EYS: variants seen among roughly 807,000 people sequenced by gnomAD.
EYS encodes protein eyes shut homolog.
In EYS, 250 loss-of-function variants were observed where a neutral mutation model predicts 282.1. The ratio of observed to expected loss-of-function variants is 0.89; its 90% confidence interval spans 0.80 to 0.98. The LOEUF (loss-of-function observed/expected upper bound fraction) is 0.98. Among genes scored for constraint, EYS ranks in the 50% least tolerant of loss-of-function variants. EYS has a pLI of 0.00. For missense variants in EYS, 4,016 were observed against 3,709.0 expected (o/e 1.08, Z -2.15); for synonymous variants, 1,355 against 1,282.9 (o/e 1.06, Z -1.20).
At chr6:63,819,289 G>C (rs1479821150) in intron 36 of EYS, among the ~76,000 whole-genome samples, 2 of 152,218 alleles carry the variant, frequency 1.3e-5, no homozygotes, top group African/African-American at 4.8e-5. Flanking sequence ...ATGGAAGCCT[G>C]AAAGGGAGGT....
chr6:63,856,351 T>G (rs933237482), intron 36 of EYS, among the ~76,000 whole-genome samples: 28 of 152,204 alleles, frequency 1.8e-4, no homozygotes, highest in Non-Finnish European at 3.2e-4. Flanking sequence ...TTTAGACCTT[T>G]TTAAAAAGCA....
chr6:65,531,341 C>T (rs556804104), intron 2 of EYS, among the ~76,000 whole-genome samples: 29 of 152,018 alleles, frequency 1.9e-4, no homozygotes, highest in Non-Finnish European at 3.1e-4. Flanking sequence ...ATAAAGAAAA[C>T]GCTTCATAAA....
intron 41 of EYS, among the ~76,000 whole-genome samples, chr6:63,745,807 T>G (rs1212492055): frequency 6.6e-6 from 1 of 152,212 alleles, no homozygotes; most frequent in Non-Finnish European, 1.5e-5. Flanking sequence ...TGACAGTATT[T>G]GGAGATAAGA....
intron 8 of EYS, among the ~76,000 whole-genome samples, chr6:65,368,367 A>G (rs1765001540): frequency 6.6e-6 from 1 of 151,666 alleles, no homozygotes; most frequent in Admixed American, 6.7e-5. Flanking sequence ...ACATAATGGA[A>G]GTTATGTGGT....
rs184400084 is a variant in EYS at position 64,879,958 on chromosome 6, G to T, written c.2992+6739C>A. ...GTGTTGAAAGAAGTTGCTTCTGGAA[G>T]CAGGTCTGCTGTGTTTTATATTATT... On this transcript the variant is annotated intron_variant, in intron 19 of 42. Coordinates refer to ENST00000503581, the MANE Select transcript of EYS (RefSeq NM_001142800.2). Among the ~76,000 whole-genome samples, 31 of 152,132 alleles carry T rather than the reference G, an allele frequency of 2.0e-4. No homozygotes were observed. In the East Asian group the frequency reaches 5.0e-3, roughly 25 times the overall value.
intron 7 of EYS, among the ~76,000 whole-genome samples, chr6:65,388,190 A>G (rs2150354342): frequency 6.6e-6 from 1 of 152,190 alleles, no homozygotes; most frequent in Non-Finnish European, 1.5e-5. Flanking sequence ...GATGAAAATA[A>G]GAATCTTAGA....
chr6:63,924,952 C>T lies in EYS; in HGVS notation c.7055+59431G>A, dbSNP rs1278413985. 2.0e-5 allele frequency among the ~76,000 whole-genome samples: 3 copies of T among 152,304 alleles called. No individual in the cohort carries two copies. The East Asian group carries it at 5.8e-4, about 29-fold the overall frequency. On this transcript the variant is annotated intron_variant, in intron 35 of 42. Transcript: ENST00000503581. ...GGGAACTAAGAAGTGAGATTTTCTT[C>T]ACCACTACCCGCAACATTGACACAG...
chr6:65,663,112 G>T (rs1332199126), intron 1 of EYS, among the ~76,000 whole-genome samples: 1 of 152,136 alleles, frequency 6.6e-6, no homozygotes, highest in African/African-American at 2.4e-5. Flanking sequence ...TCATACGGGG[G>T]TAATCACAAT....
chr6:65,464,532 A>G (rs1024206164), intron 5 of EYS, among the ~76,000 whole-genome samples: 2 of 152,206 alleles, frequency 1.3e-5, no homozygotes, highest in Non-Finnish European at 2.9e-5. Flanking sequence ...AATGTAATCA[A>G]TATACAAATA....
chr6:63,802,053 T>C (rs1334164023), intron 37 of EYS, among the ~76,000 whole-genome samples: 1 of 152,258 alleles, frequency 6.6e-6, no homozygotes, highest in Non-Finnish European at 1.5e-5. Context: ...TATGTACTAC[T>C]ATAATAACAT....
In EYS at chr6:64,506,975, T is replaced by G. The variant is rs1227610250; in HGVS notation, c.5645-67623A>C. Reference sequence around the variant, plus strand: ...GTAGTCCTCCCTCCAGTTTCAGTTTTTTTTTTTTTTTTGAGATGGAGTCTC... The same window carrying G: ...GTAGTCCTCCCTCCAGTTTCAGTTTGTTTTTTTTTTTTGAGATGGAGTCTC... On this transcript the variant is annotated intron_variant, in intron 26 of 42. Coordinates refer to ENST00000503581, the MANE Select transcript of EYS (RefSeq NM_001142800.2). 2.2e-5 allele frequency among the ~76,000 whole-genome samples: 3 copies of G among 135,804 alleles called. No homozygotes were observed. In the East Asian group the frequency reaches 5.9e-4, roughly 27 times the overall value. 89.1% of individuals were successfully genotyped at this position (135,804 alleles called of 152,430 possible).
At chr6:63,764,922 A>G (rs1769746870) in intron 40 of EYS, among the ~76,000 whole-genome samples, 1 of 152,018 alleles carries the variant, frequency 6.6e-6, no homozygotes, top group Admixed American at 6.6e-5. Context: ...CACCCTGTGA[A>G]ATAGAGATAA....
intron 22 of EYS, among the ~76,000 whole-genome samples, chr6:64,646,863 G>A (rs895546830): frequency 1.8e-4 from 28 of 151,680 alleles, no homozygotes; most frequent in Admixed American, 1.5e-3. Context: ...TATTCCTCAT[G>A]AGCATAATAA....
At chr6:63,930,739 T>C (rs965694306) in intron 35 of EYS, among the ~76,000 whole-genome samples, 4 of 152,158 alleles carry the variant, frequency 2.6e-5, no homozygotes, top group African/African-American at 7.2e-5. Context: ...AAGACTCAGA[T>C]TGACCCCTCC....
intron 1 of EYS, among the ~76,000 whole-genome samples, chr6:65,656,410 C>T (rs555461917): frequency 5.3e-5 from 8 of 151,886 alleles, no homozygotes; most frequent in African/African-American, 1.2e-4. Context: ...AGCGGAAGTT[C>T]GTGAGGGAAA....
intron 2 of EYS, among the ~76,000 whole-genome samples, chr6:65,505,520 A>G (rs1246121146): frequency 6.6e-6 from 1 of 151,954 alleles, no homozygotes; most frequent in Non-Finnish European, 1.5e-5. Context: ...ACTTTCTAAT[A>G]TATGCATTTA....
chr6:65,225,038 C>G (rs1766584175), intron 12 of EYS, among the ~76,000 whole-genome samples: 1 of 151,896 alleles, frequency 6.6e-6, no homozygotes, highest in Non-Finnish European at 1.5e-5. Flanking sequence ...CAATTTTTCT[C>G]AAATAGAAGA....
At chr6:64,615,752 C>T (rs1767253918) in intron 24 of EYS, among the ~76,000 whole-genome samples, 1 of 152,024 alleles carries the variant, frequency 6.6e-6, no homozygotes, top group South Asian at 2.1e-4. Context: ...CTTGCTATGA[C>T]AAGTTTTTAA....
chr6:64,405,268 A>C (rs2150439171), intron 28 of EYS, among the ~76,000 whole-genome samples: 1 of 152,276 alleles, frequency 6.6e-6, no homozygotes, highest in African/African-American at 2.4e-5. Context: ...AGACTTGGGA[A>C]ATTAGAACAA....
Sources: gnomAD v4.1 joint callset for allele counts (sites outside exome capture counted in the v4.1 genomes callset) on GRCh38, gnomAD v4.1.1 for gene constraint, MANE v1.5 for transcripts, NCBI Gene and HGNC (gene_info 2026-07-23, HGNC 2026-07-21) for gene names.